RPS6KL1: variants seen among roughly 807,000 people sequenced by gnomAD.
RPS6KL1 encodes ribosomal protein S6 kinase like 1, also known as ribosomal protein S6 kinase-like 1.
In RPS6KL1, 41 loss-of-function variants were observed where a neutral mutation model predicts 57.0. That is an observed-to-expected ratio of 0.72 (90% confidence interval 0.56 to 0.93). The LOEUF (loss-of-function observed/expected upper bound fraction) is 0.93, where lower values mean the gene tolerates loss of function less well. Ranked by LOEUF, RPS6KL1 falls within the 40% of genes least tolerant of loss-of-function variation. The pLI, the probability that RPS6KL1 is intolerant of heterozygous loss-of-function variation, is 0.00. For synonymous variants in RPS6KL1, 287 were observed against 309.7 expected (o/e 0.93, Z 0.77); for missense variants, 697 against 727.7 (o/e 0.96, Z 0.49).
At chr14:74,916,667 C>T (rs779957632) in intron 5 of RPS6KL1, among the ~76,000 whole-genome samples, 1 of 151,320 alleles carries the variant, frequency 6.6e-6, no homozygotes, top group Non-Finnish European at 1.5e-5. Flanking sequence ...AGCTACAGAG[C>T]GAGACCCTGT....
At chr14:74,911,906 C>G in intron 5 of RPS6KL1, 65 bp from the exon 6 acceptor site, 1 of 1,416,434 alleles carries the variant, frequency 7.1e-7, no homozygotes, top group East Asian at 2.5e-5. Context: ...TGACCCCAGC[C>G]TGACCCCCTC....
chr14:74,918,370 C>A, intron 5 of RPS6KL1, 143 bp downstream of exon 5: 4 of 586,504 alleles, frequency 6.8e-6, no homozygotes, highest in Non-Finnish European at 1.2e-5. Context: ...CTCGCACTCC[C>A]CACTGACCCC....
chr14:74,915,448 G>C (rs940186726), intron 5 of RPS6KL1, among the ~76,000 whole-genome samples: 1 of 152,188 alleles, frequency 6.6e-6, no homozygotes, highest in Admixed American at 6.5e-5. Context: ...CTGAATTCTT[G>C]GGACAGAGGG....
At chr14:74,918,853 T>G (rs1377028177) in intron 4 of RPS6KL1, among the ~76,000 whole-genome samples, 1 of 152,134 alleles carries the variant, frequency 6.6e-6, no homozygotes, top group Non-Finnish European at 1.5e-5. Context: ...GCCCATGAAG[T>G]TCTCTGGGCT....
chr14:74,910,618 CCT>C (rs1885767507), intron 7 of RPS6KL1: 1 of 157,820 alleles, frequency 6.3e-6, no homozygotes, highest in Admixed American at 6.1e-5. Context: ...TCACCACCAC[CCT>C]GTCTGGCCAC....
At position 74,922,133 on chromosome 14, in the gene RPS6KL1, T is replaced by C; in HGVS notation, c.-176A>G. On this transcript the variant is annotated 5_prime_UTR_variant, in exon 2 of 12. The change abolishes an upstream ATG in the 5' untranslated region. Coordinates refer to ENST00000557413, the MANE Select transcript of RPS6KL1 (RefSeq NM_031464.5). ...CAGTTCAGCAAACATTTCTGGAGCA[T>C]CTGGTACTGTGTTGAGCTCTGGAGA... is the stretch of plus-strand genomic sequence containing the variant. 1.1e-6 allele frequency: 1 copy of C among 940,690 alleles called. No homozygotes were observed. Among genetic ancestry groups the C allele is most frequent in the Non-Finnish European group, 1.3e-6 (1 of 784,614 alleles). The allele number at this position is 940,690 out of a possible 1,614,324, so 58.3% of individuals were successfully genotyped here. A position where few individuals can be genotyped will look rare whatever the true frequency, so the allele number is the denominator to read the frequency against.
At chr14:74,910,287 C>A in intron 7 of RPS6KL1, 139 bp from the exon 8 acceptor site, 1 of 972,098 alleles carries the variant, frequency 1.0e-6, no homozygotes, top group East Asian at 2.7e-5. Context: ...TAGTTCAGCC[C>A]CTCACCTCTG....
rs750453760 is a variant in RPS6KL1 at position 74,907,567 on chromosome 14, C to A, written c.1444-37G>T. The A allele has an allele frequency of 7.8e-6, 12 of 1,537,564 alleles. No individual in the cohort carries two copies. In the African/African-American group the frequency reaches 1.5e-4, roughly 19 times the overall value. On this transcript the variant is annotated intron_variant, in intron 10 of 11. Coordinates refer to ENST00000557413, the MANE Select transcript of RPS6KL1 (RefSeq NM_031464.5). ...CAGGGAAGGGCCTCTGAGGAGGCAA[C>A]CCCAGGACCGTCTACACTCCAGTGG...
chr14:74,919,190 TC>T (rs1744907962), intron 4 of RPS6KL1, among the ~76,000 whole-genome samples: 1 of 152,044 alleles, frequency 6.6e-6, no homozygotes, highest in South Asian at 2.1e-4. Context: ...ATGCAGATGC[TC>T]CCAAGGTGGG....
chr14:74,909,397 C>G lies in RPS6KL1; in HGVS notation c.1270+146G>C, dbSNP rs913337778. On this transcript the variant is annotated intron_variant, in intron 8 of 11. Transcript: ENST00000557413. Reference sequence around the variant, plus strand: ...GGGTACTCCCAGGAGCCTCGGCCAACAGACTCCAGCCTAGGCCCCCTGAAA... The same window carrying G: ...GGGTACTCCCAGGAGCCTCGGCCAAGAGACTCCAGCCTAGGCCCCCTGAAA... The G allele has an allele frequency of 2.6e-6, 3 of 1,166,230 alleles. No homozygotes were observed. In the African/African-American group the frequency reaches 4.6e-5, roughly 18 times the overall value. The allele number at this position is 1,166,230 out of a possible 1,614,324, so 72.2% of individuals were successfully genotyped here.
At chr14:74,916,061 A>G (rs776509442) in intron 5 of RPS6KL1, among the ~76,000 whole-genome samples, 6 of 152,086 alleles carry the variant, frequency 3.9e-5, no homozygotes, top group Non-Finnish European at 7.4e-5. Flanking sequence ...TAGTTATCCT[A>G]ACAGCCGGAC....
intron 4 of RPS6KL1, 99 bp downstream of exon 4, chr14:74,919,746 C>T (rs1887482641): frequency 7.3e-7 from 1 of 1,366,744 alleles, no homozygotes; most frequent in Non-Finnish European, 1.0e-6. Flanking sequence ...CGGCCTCTGC[C>T]CTGCAGCCCA....
chr14:74,921,412 T>C lies in RPS6KL1; in HGVS notation c.130A>G (p.Met44Val), dbSNP rs1194961523. ...RNRVALGVPD[M>V]TKRDYLVDAA... Reference sequence around the variant, plus strand: ...TCCACCAGATAGTCACGTTTTGTCATGTCAGGCACTCCCAGAGCCACCCTG... The same window carrying C: ...TCCACCAGATAGTCACGTTTTGTCACGTCAGGCACTCCCAGAGCCACCCTG... Residue 44 changes from methionine (M) to valine (V), a missense_variant, in exon 3 of 12, where the codon ATG becomes GTG. Coordinates refer to ENST00000557413, the MANE Select transcript of RPS6KL1 (RefSeq NM_031464.5). The C allele has an allele frequency of 2.5e-6, 4 of 1,614,136 alleles. No individual in the cohort carries two copies. The highest frequency in any genetic ancestry group is 2.2e-5 in the East Asian group (1 of 44,900).
intron 7 of RPS6KL1, 66 bp downstream of exon 7, chr14:74,911,182 A>G: frequency 6.5e-7 from 1 of 1,531,208 alleles, no homozygotes; most frequent in Non-Finnish European, 9.0e-7. Context: ...AGGGCTCCGC[A>G]TTTTAAGGGT....
At chr14:74,907,388 C>T (rs775987423) in intron 11 of RPS6KL1, 47 bp downstream of exon 11, 75 of 1,541,780 alleles carry the variant, frequency 4.9e-5, no homozygotes, top group African/African-American at 6.8e-5. Context: ...CTCCCAGCAC[C>T]TTCCTCAGGC....
In RPS6KL1 at chr14:74,922,540, G is replaced by T. The variant is rs1383955024; in HGVS notation, c.-528-55C>A. 5 of 163,588 alleles carry T rather than the reference G, an allele frequency of 3.1e-5. No individual in the cohort carries two copies. In the East Asian group the frequency reaches 5.7e-4, roughly 19 times the overall value. 10.1% of individuals were successfully genotyped at this position (163,588 alleles called of 1,614,324 possible). Reference sequence around the variant, plus strand: ...GACTCGGTGCCACGTTGGATGGGGGGTAGAAGAGGGCAGGGTGACCCAGCC... The same window carrying T: ...GACTCGGTGCCACGTTGGATGGGGGTTAGAAGAGGGCAGGGTGACCCAGCC... On this transcript the variant is annotated intron_variant, in intron 1 of 11. Coordinates refer to ENST00000557413, the MANE Select transcript of RPS6KL1 (RefSeq NM_031464.5).
At position 74,906,564 on chromosome 14, in the gene RPS6KL1, T is replaced by G. The variant is rs1448144640; in HGVS notation, c.*450A>C. 3.8e-6 allele frequency: 2 copies of G among 528,212 alleles called. No homozygotes were observed. The highest frequency in any genetic ancestry group is 7.8e-6 in the Non-Finnish European group (2 of 257,722). 32.7% of individuals were successfully genotyped at this position (528,212 alleles called of 1,614,324 possible). ...ACTAAGAGGACTAGCCAGGACAGTCTGGTTTGGGTCCACTGAGCCAGTGGA... is the reference window on the plus strand; with the variant it reads ...ACTAAGAGGACTAGCCAGGACAGTCGGGTTTGGGTCCACTGAGCCAGTGGA... On this transcript the variant is annotated 3_prime_UTR_variant, in exon 12 of 12. Coordinates refer to ENST00000557413, the MANE Select transcript of RPS6KL1 (RefSeq NM_031464.5).
rs1202905340 is a variant in RPS6KL1, at chr14:74,906,943, G to A, written c.*71C>T. On this transcript the variant is annotated 3_prime_UTR_variant, in exon 12 of 12. Coordinates refer to ENST00000557413, the MANE Select transcript of RPS6KL1 (RefSeq NM_031464.5). ...GCCCGCTGATAGAGGGCCAGCCCTG[G>A]GTTGGGTGTCAGGCAAGGAGGAGAG... is the stretch of plus-strand genomic sequence containing the variant. 4 of 1,180,950 alleles carry A rather than the reference G, an allele frequency of 3.4e-6. No homozygotes were observed. The East Asian group carries it at 7.0e-5, about 21-fold the overall frequency. The allele number at this position is 1,180,950 out of a possible 1,614,324, so 73.2% of individuals were successfully genotyped here.
At position 74,906,778 on chromosome 14, in the gene RPS6KL1, A is replaced by G. The variant is rs111627395; in HGVS notation, c.*236T>C. On this transcript the variant is annotated 3_prime_UTR_variant, in exon 12 of 12. Transcript: ENST00000557413. ...CTGTTGACTGATGGGTAGATGGTTC[A>G]AGCTGCTTAGCAGGGCAAGCCTTGA... 181 of 677,976 alleles carry G rather than the reference A, an allele frequency of 2.7e-4. No homozygotes were observed. The African/African-American group carries it at 2.7e-3, about 10-fold the overall frequency. The allele number at this position is 677,976 out of a possible 1,614,324, so 42.0% of individuals were successfully genotyped here. A position where few individuals can be genotyped will look rare whatever the true frequency, so the allele number is the denominator to read the frequency against.
Sources: allele counts gnomAD v4.1 joint callset (sites outside exome capture counted in the v4.1 genomes callset), GRCh38; gene constraint gnomAD v4.1.1; transcripts MANE v1.5; gene names NCBI Gene and HGNC (gene_info 2026-07-23, HGNC 2026-07-21).